Variants in UBQLN4 observed in about 807,000 individuals in gnomAD.
The protein encoded by UBQLN4 is ubiquilin 4.
UBQLN4 carries 11 observed loss-of-function variants against 60.4 expected under a neutral mutation model. That is an observed-to-expected ratio of 0.18 (90% CI 0.11 to 0.30). The LOEUF (loss-of-function observed/expected upper bound fraction) is 0.30. UBQLN4 is among the 10% of genes least tolerant of loss of function. The pLI is 1.00. For synonymous variants in UBQLN4, 258 were observed against 313.1 expected, an observed-to-expected ratio of 0.82 and a Z score of 1.86; for missense variants, 417 against 795.5, an observed-to-expected ratio of 0.52 and a Z score of 5.72.
chr1:156,038,474 A>G (rs1042451605), intron 10 of UBQLN4, among the ~76,000 whole-genome samples: 10 of 151,966 alleles, frequency 6.6e-5, no homozygotes, highest in African/African-American at 2.4e-4. Flanking sequence ...AGACTGGCCA[A>G]CATGGCGATA....
chr1:156,031,514 G>A (rs1190290573), downstream of UBQLN4, among the ~76,000 whole-genome samples: 2 of 151,538 alleles, frequency 1.3e-5, no homozygotes, highest in Admixed American at 6.6e-5. Context: ...ATTCTTATTA[G>A]TCCTTCCTAA....
At chr1:156,051,903 C>G (rs762491082) in intron 1 of UBQLN4, 46 bp from the exon 2 acceptor site, 3 of 1,608,416 alleles carry the variant, frequency 1.9e-6, no homozygotes, top group Non-Finnish European at 2.6e-6. Context: ...CCTGGACTCC[C>G]CCTACCAGGG....
chr1:156,052,874 C>T (rs992140995), intron 1 of UBQLN4, among the ~76,000 whole-genome samples: 1 of 152,142 alleles, frequency 6.6e-6, no homozygotes, highest in Non-Finnish European at 1.5e-5. Context: ...ACCAGCCCCT[C>T]CAAAACACAA....
chr1:156,035,202 C>G, downstream of UBQLN4: 1 of 960,052 alleles, frequency 1.0e-6, no homozygotes, highest in Non-Finnish European at 1.2e-6. Context: ...GTAACTGAAC[C>G]AAACTTCAAA....
At position 156,037,824 on chromosome 1, in the gene UBQLN4, C is replaced by T. The variant is rs181504030; in HGVS notation, c.1654-694G>A. Among the ~76,000 whole-genome samples the T allele has an allele frequency of 3.3e-4, 51 of 152,260 alleles. 1 individual carries two copies. Among genetic ancestry groups the T allele is most frequent in the African/African-American group, 1.2e-3 (49 of 41,546 alleles). The stretch of plus-strand genomic sequence containing the variant: ...AAGGCCCCTCCTAATAGTCATCACA[C>T]GTACAGCCATATGAAAGGCTAGAGA... On this transcript the variant is annotated intron_variant, in intron 10 of 10. Transcript: ENST00000368309.
intron 9 of UBQLN4, 77 bp from the exon 10 acceptor site, chr1:156,041,748 C>T: frequency 1.4e-6 from 2 of 1,455,628 alleles, no homozygotes; most frequent in Non-Finnish European, 9.1e-7. Flanking sequence ...GAAGGAAAAG[C>T]AGTTGGAAGA....
At position 156,041,474 on chromosome 1, in the gene UBQLN4, G is replaced by A; in HGVS notation, c.1653+11C>T. 1 of 1,558,424 alleles carries A rather than the reference G, an allele frequency of 6.4e-7. No homozygotes were observed. The highest frequency in any genetic ancestry group is 8.7e-7 in the Non-Finnish European group (1 of 1,151,540). ...GGTGCTCCCAGCACCTGCCCCCACT[G>A]CCTCATGTACCTGTGAGTTTCCACT... is the stretch of plus-strand genomic sequence containing the variant. On this transcript the variant is annotated intron_variant, in intron 10 of 10. Transcript: ENST00000368309.
At position 156,036,713 on chromosome 1, in the gene UBQLN4, G is replaced by A. The variant is rs1683412345; in HGVS notation, c.*265C>T. 31 of 1,212,894 alleles carry A rather than the reference G, an allele frequency of 2.6e-5. No homozygotes were observed. Among genetic ancestry groups the A allele is most frequent in the Non-Finnish European group, 3.2e-5 (31 of 971,422 alleles). 75.1% of individuals were successfully genotyped at this position (1,212,894 alleles called of 1,614,324 possible). A position where few individuals can be genotyped will look rare whatever the true frequency, so the allele number is the denominator to read the frequency against. ...AAGTGGTGTGGGGCAAGGAGGTAGA[G>A]TCAATCAATGAAACTGTGAAAACTG... On this transcript the variant is annotated 3_prime_UTR_variant, in exon 11 of 11. Coordinates refer to ENST00000368309, the MANE Select transcript of UBQLN4 (RefSeq NM_020131.5).
At chr1:156,042,735 T>G in intron 7 of UBQLN4, 39 bp downstream of exon 7, 1 of 1,600,982 alleles carries the variant, frequency 6.2e-7, no homozygotes. Flanking sequence ...CAAGAGGAAC[T>G]CTCTCCCCAA....
At chr1:156,038,794 ACTGCACTAGGTCTT>A (rs1384643712) in intron 10 of UBQLN4, among the ~76,000 whole-genome samples, 1 of 150,072 alleles carries the variant, frequency 6.7e-6, no homozygotes, top group East Asian at 2.0e-4. Flanking sequence ...GGCATGAGCC[ACTGCACTAGGTCTT>A]CTTCTTTTTT....
downstream of UBQLN4, among the ~76,000 whole-genome samples, chr1:156,034,825 C>CTACATA (rs1683355986): frequency 2.2e-5 from 1 of 46,378 alleles, no homozygotes; most frequent in Non-Finnish European, 4.1e-5. Flanking sequence ...CCTTAACCTT[C>CTACATA]TATATATATA....
intron 1 of UBQLN4, among the ~76,000 whole-genome samples, chr1:156,052,646 A>G (rs1039957434): frequency 1.3e-5 from 2 of 152,176 alleles, no homozygotes; most frequent in African/African-American, 2.4e-5. Flanking sequence ...TAAAGATGAG[A>G]AAACTGAGGA....
downstream of UBQLN4, among the ~76,000 whole-genome samples, chr1:156,034,069 G>A (rs1683341054): frequency 6.6e-6 from 1 of 150,592 alleles, no homozygotes; most frequent in Non-Finnish European, 1.5e-5. Flanking sequence ...TCGGTCTCAG[G>A]CATCTAGTAT....
At chr1:156,032,082 T>C (rs1210271953), downstream of UBQLN4, among the ~76,000 whole-genome samples, 1 of 150,774 alleles carries the variant, frequency 6.6e-6, no homozygotes, top group Admixed American at 6.6e-5. Flanking sequence ...TTTTTTGAGC[T>C]GGAGTCTTGC....
chr1:156,044,097 G>T lies in UBQLN4; in HGVS notation c.1027C>A (p.Pro343Thr), dbSNP rs776879454. ...WSPSPPTSQAPGSGGEGTGGS... is the reference protein window; with the variant it reads ...WSPSPPTSQATGSGGEGTGGS... ...CCGGTGCCCTCCCCACCGGACCCGG[G>T]GGCCTGGGAGGTGGGGGGCGAGGGG... Residue 343 changes from proline to threonine, a missense_variant, in exon 6 of 11, where the codon CCC becomes ACC. Transcript: ENST00000368309. 6.3e-7 allele frequency: 1 copy of T among 1,590,648 alleles called. No individual in the cohort carries two copies. Among genetic ancestry groups the T allele is most frequent in the Non-Finnish European group, 8.6e-7 (1 of 1,168,766 alleles).
In UBQLN4 at chr1:156,051,212, T is replaced by C. The variant is rs769929542; in HGVS notation, c.376A>G (p.Ser126Gly). The change falls in exon 3 of 11, where the codon AGT (serine) becomes GGT (glycine). Residue 126 changes from serine to glycine, a missense_variant. By Grantham distance (56) the Ser-to-Gly change is moderately conservative. Transcript: ENST00000368309. ...CCACTGCCAGCATCTGAAGAGGCAC[T>C]GCCAGAGGTGGAGGGCTGGGCAGGG... ...ATPAQPSTSG[S>G]ASSDAGSGSR... 2 of 1,610,584 alleles carry C rather than the reference T, an allele frequency of 1.2e-6. No homozygotes were observed. The highest frequency in any genetic ancestry group is 2.2e-5 in the South Asian group (2 of 90,396).
chr1:156,042,819 G>A lies in UBQLN4; in HGVS notation c.1221C>T (p.Arg407=). The change falls in exon 7 of 11, where the codon CGC becomes CGT. Residue 407 remains arginine, a synonymous_variant. Coordinates refer to ENST00000368309, the MANE Select transcript of UBQLN4 (RefSeq NM_020131.5). ...MQNVISAPYM[R]SMMQTLAQNP... is the part of the protein sequence containing the mutation. The stretch of plus-strand genomic sequence containing the variant: ...TCTGGGCAAGCGTCTGCATCATGCT[G>A]CGCATGTAGGGTGCTGAGATCACAT... 1 of 1,614,202 alleles carries A rather than the reference G, an allele frequency of 6.2e-7. No individual in the cohort carries two copies. Among genetic ancestry groups the A allele is most frequent in the South Asian group, 1.1e-5 (1 of 91,084 alleles).
chr1:156,046,080 A>G (rs1232662163), intron 5 of UBQLN4, among the ~76,000 whole-genome samples: 1 of 151,866 alleles, frequency 6.6e-6, no homozygotes, highest in Non-Finnish European at 1.5e-5. Context: ...TCCTGACCTC[A>G]GGTGATCCAC....
chr1:156,048,704 C>T lies in UBQLN4; in HGVS notation c.742-45G>A. 1.3e-6 allele frequency: 2 copies of T among 1,592,996 alleles called. No homozygotes were observed. Among genetic ancestry groups the T allele is most frequent in the Middle Eastern group, 1.7e-4 (1 of 5,986 alleles). ...AAAATGGGCCCCGGAACCAGGGGAG[C>T]ACCAACCTAGGAAAAGGGTGGGCCT... On this transcript the variant is annotated intron_variant, in intron 4 of 10. Transcript: ENST00000368309. This position sits in a 1 kb window ranked among gnomAD's most constrained non-coding sequence, Gnocchi z 4.9.
Sources: gnomAD v4.1 joint callset for allele counts (sites outside exome capture counted in the v4.1 genomes callset) on GRCh38, gnomAD v4.1.1 for gene constraint, Gnocchi (gnomAD v3.1) non-coding constraint, MANE v1.5 for transcripts, NCBI Gene and HGNC (gene_info 2026-07-23, HGNC 2026-07-21) for gene names.